ZFPM1: variants seen among roughly 807,000 people sequenced by gnomAD.
The protein encoded by ZFPM1 is zinc finger protein, FOG family member 1.
ZFPM1 carries 28 observed loss-of-function variants against 46.3 expected under a neutral mutation model. The observed-to-expected ratio is 0.60, with a 90% CI of 0.45 to 0.83. The LOEUF (loss-of-function observed/expected upper bound fraction) is 0.83. Ranked by LOEUF, ZFPM1 falls within the 40% of genes least tolerant of loss-of-function variation. The pLI is 0.00. For missense variants in ZFPM1, 1,878 were observed against 1,432.4 expected (o/e 1.31, Z -5.02); for synonymous variants, 957 against 675.9 (o/e 1.42, Z -6.45).
In ZFPM1 at chr16:88,514,401, G is replaced by A. The variant is rs775621506; in HGVS notation, c.283G>A (p.Val95Met). 1.9e-6 allele frequency: 3 copies of A among 1,564,864 alleles called. No homozygotes were observed. The highest frequency in any genetic ancestry group is 1.4e-5 in the African/African-American group (1 of 73,868). ...TCTCTCTGCAGACGAGCTGGAGCCG[G>A]TGGTGCAGGATGGGCAGAGGCGCAT... ...PWSGPDELEP[V>M]VQDGQRRIRA... is the part of the protein sequence containing the mutation. The change falls in exon 4 of 10, where the codon GTG becomes ATG. Residue 95 changes from valine (V) to methionine (M), a missense_variant. Transcript: ENST00000319555.
intron 1 of ZFPM1, among the ~76,000 whole-genome samples, chr16:88,464,129 GCT>G (rs1434329294): frequency 1.3e-5 from 2 of 152,242 alleles, no homozygotes; most frequent in African/African-American, 4.8e-5. Context: ...GGACAGAGGT[GCT>G]CTGTTTAGGG....
chr16:88,504,304 C>A (rs1312628431), intron 3 of ZFPM1, among the ~76,000 whole-genome samples: 2 of 152,154 alleles, frequency 1.3e-5, no homozygotes, highest in Non-Finnish European at 2.9e-5. Context: ...TGTTTTCAGC[C>A]ACCAATAGGA....
In ZFPM1 at chr16:88,526,864, G is replaced by A. The variant is rs149754620; in HGVS notation, c.453G>A (p.Thr151=). ...TGGACGAGGCCTGCTGGCTGAGGAC[G>A]CTGCCCCAGGCCCTGACTGAGGCCG... is the stretch of plus-strand genomic sequence containing the variant. ...LLVDEACWLR[T]LPQALTEAEA... The change falls in exon 5 of 10, where the codon ACG becomes ACA. Residue 151 remains threonine, a synonymous_variant. Coordinates refer to ENST00000319555, the MANE Select transcript of ZFPM1 (RefSeq NM_153813.3). 443 of 1,555,842 alleles carry A rather than the reference G, an allele frequency of 2.8e-4. 2 individuals are homozygous for A. Among genetic ancestry groups the A allele is most frequent in the African/African-American group, 2.2e-3 (162 of 73,684 alleles).
At chr16:88,530,054 T>G in intron 6 of ZFPM1, among the ~76,000 whole-genome samples, 1 of 150,642 alleles carries the variant, frequency 6.6e-6, no homozygotes, top group Admixed American at 6.6e-5. Context: ...GCAAAGGGGG[T>G]CCCCATCTGC....
chr16:88,488,288 A>G (rs1186036563), intron 2 of ZFPM1, among the ~76,000 whole-genome samples: 2 of 145,146 alleles, frequency 1.4e-5, no homozygotes, highest in Non-Finnish European at 3.0e-5. Flanking sequence ...CCAGGGCCGC[A>G]TGGGGGCGGG....
intron 9 of ZFPM1, 75 bp from the exon 10 acceptor site, chr16:88,533,073 G>A (rs950176980): frequency 2.3e-5 from 10 of 438,012 alleles, no homozygotes; most frequent in East Asian, 7.7e-5. Flanking sequence ...CTCCCCTTCC[G>A]GAGCTCGCCC....
Position 88,481,391 on chromosome 16 carries a change from C to G in ZFPM1, c.41-4548C>G, listed in dbSNP as rs932680087. ...TACGTGCTGGGTGCAGGTCTGAAAC[C>G]CAGCCCCAAGTTCCTGTCCCACCAC... On this transcript the variant is annotated intron_variant, in intron 1 of 9. Coordinates refer to ENST00000319555, the MANE Select transcript of ZFPM1 (RefSeq NM_153813.3). Among the ~76,000 whole-genome samples, 2 of 152,154 alleles carry G rather than the reference C, an allele frequency of 1.3e-5. 1 individual carries two copies. The highest frequency in any genetic ancestry group is 4.1e-4 in the South Asian group (2 of 4,826).
intron 3 of ZFPM1, among the ~76,000 whole-genome samples, chr16:88,509,379 G>A (rs942464316): frequency 2.0e-5 from 3 of 152,252 alleles, no homozygotes; most frequent in East Asian, 1.9e-4. Flanking sequence ...GTGACCCCAC[G>A]GTGGGCACCA....
chr16:88,516,445 G>A (rs979426147), intron 4 of ZFPM1: 1 of 398,124 alleles, frequency 2.5e-6, no homozygotes. Flanking sequence ...AAGGCCAGAG[G>A]AGCCGCTGGG....
At chr16:88,519,126 ATGGG>A (rs1911601244) in intron 4 of ZFPM1, among the ~76,000 whole-genome samples, 1 of 108,718 alleles carries the variant, frequency 9.2e-6, no homozygotes, top group African/African-American at 3.9e-5. Flanking sequence ...GGATGGATGG[ATGGG>A]TGGATGGATG....
At chr16:88,459,442 C>T (rs1042133241) in intron 1 of ZFPM1, among the ~76,000 whole-genome samples, 8 of 152,158 alleles carry the variant, frequency 5.3e-5, no homozygotes, top group African/African-American at 1.7e-4. Context: ...AATGATAGTA[C>T]CTGCCCCCTG....
intron 1 of ZFPM1, among the ~76,000 whole-genome samples, chr16:88,464,094 G>A (rs1036332068): frequency 6.6e-5 from 10 of 152,232 alleles, no homozygotes; most frequent in African/African-American, 2.4e-4. Context: ...TGGAAGGAAT[G>A]GATTGGAGGC....
At chr16:88,500,954 G>C (rs181170003) in intron 3 of ZFPM1, among the ~76,000 whole-genome samples, 2 of 152,354 alleles carry the variant, frequency 1.3e-5, no homozygotes, top group Admixed American at 6.5e-5. Flanking sequence ...TGCAGCCTTG[G>C]CTGGGGATAT....
In ZFPM1 at chr16:88,532,294, C is replaced by T. The variant is rs1458477420; in HGVS notation, c.946+59C>T. 6.1e-6 allele frequency: 9 copies of T among 1,474,288 alleles called. No homozygotes were observed. In the African/African-American group the frequency reaches 9.8e-5, roughly 16 times the overall value. The allele number at this position is 1,474,288 out of a possible 1,614,324, so 91.3% of individuals were successfully genotyped here. ...TGCCGGCTGCTTCCCCACCCAGTCC[C>T]GCAGGCCGCCCGGGAAAACCCACAT... On this transcript the variant is annotated intron_variant, in intron 7 of 9. Transcript: ENST00000319555.
Position 88,536,331 on chromosome 16 carries a change from C to T in ZFPM1, c.*1352C>T, listed in dbSNP as rs1005047345. ...GGACTACAGGCTTGACCCACCACAC[C>T]TGGCTAACTTTTAAAACATTTTTAT... is the stretch of plus-strand genomic sequence containing the variant. On this transcript the variant is annotated 3_prime_UTR_variant, in exon 10 of 10. Coordinates refer to ENST00000319555, the MANE Select transcript of ZFPM1 (RefSeq NM_153813.3). The T allele has an allele frequency of 6.6e-6, 1 of 152,168 alleles. No individual in the cohort carries two copies. The highest frequency in any genetic ancestry group is 2.4e-5 in the African/African-American group (1 of 41,444). The allele number at this position is 152,168 out of a possible 1,614,324, so 9.4% of individuals were successfully genotyped here. A position where few individuals can be genotyped will look rare whatever the true frequency, so the allele number is the denominator to read the frequency against.
rs1217001782 is a variant in ZFPM1, at chr16:88,498,381, A to G, written c.268+9228A>G. Among the ~76,000 whole-genome samples the G allele has an allele frequency of 2.0e-5, 3 of 152,078 alleles. No homozygotes were observed. The East Asian group carries it at 5.8e-4, about 29-fold the overall frequency. ...ATAGACAGGGATGGGCCTGCCCTGG[A>G]CGTGTATGGTGGAGGGACACGGGCC... On this transcript the variant is annotated intron_variant, in intron 3 of 9. Transcript: ENST00000319555.
At chr16:88,478,828 C>A (rs1187795584) in intron 1 of ZFPM1, among the ~76,000 whole-genome samples, 1 of 152,198 alleles carries the variant, frequency 6.6e-6, no homozygotes, top group African/African-American at 2.4e-5. Flanking sequence ...GGGGGCCAAC[C>A]TGAGGACCCA....
Position 88,532,800 on chromosome 16 carries a change from A to G in ZFPM1, c.1054A>G (p.Ser352Gly), listed in dbSNP as rs1180036961. Residue 352 changes from serine to glycine, a missense_variant, in exon 9 of 10, where the codon AGC (serine) becomes GGC (glycine). Coordinates refer to ENST00000319555, the MANE Select transcript of ZFPM1 (RefSeq NM_153813.3). ...GCCATGGCCCACAGGTGTCTGCCAC[A>G]GCTGTGGCTTCATCTCCACCACAAG... ...HTDTLSGVCH[S>G]CGFISTTRDI... 21 of 1,613,134 alleles carry G rather than the reference A, an allele frequency of 1.3e-5. No homozygotes were observed. Among genetic ancestry groups the G allele is most frequent in the Non-Finnish European group, 1.6e-5 (19 of 1,179,938 alleles).
chr16:88,485,827 C>A, intron 1 of ZFPM1, 112 bp from the exon 2 acceptor site: 1 of 922,722 alleles, frequency 1.1e-6, no homozygotes. Context: ...TCACCCCCAC[C>A]CATTGCCATT....
Sources: gnomAD v4.1 joint callset for allele counts (sites outside exome capture counted in the v4.1 genomes callset) on GRCh38, gnomAD v4.1.1 for gene constraint, MANE v1.5 for transcripts, NCBI Gene and HGNC (gene_info 2026-07-23, HGNC 2026-07-21) for gene names.